The following ATP9B variants were observed in gnomAD, a reference collection of about 807,000 sequenced individuals.
The protein encoded by ATP9B is probable phospholipid-transporting ATPase IIB.
A neutral mutation model predicts 146.1 loss-of-function variants in ATP9B; 110 were observed. That is an observed-to-expected ratio of 0.75 (90% CI 0.65 to 0.88). The LOEUF (loss-of-function observed/expected upper bound fraction) is 0.88. ATP9B is among the 40% of genes least tolerant of loss of function. The pLI, the probability that ATP9B is intolerant of heterozygous loss-of-function variation, is 0.00. For synonymous variants in ATP9B, 604 were observed against 569.7 expected (o/e 1.06, Z -0.86); for missense variants, 1,499 against 1,496.4 (o/e 1.00, Z -0.03).
intron 9 of ATP9B, among the ~76,000 whole-genome samples, chr18:79,205,448 G>A (rs1266160804): frequency 2.0e-5 from 3 of 151,422 alleles, no homozygotes; most frequent in East Asian, 1.9e-4. Flanking sequence ...TGGAAAATAT[G>A]TTTTCAATTT....
At chr18:79,097,954 T>A (rs1568169112) in intron 2 of ATP9B, among the ~76,000 whole-genome samples, 1 of 152,064 alleles carries the variant, frequency 6.6e-6, no homozygotes, top group Non-Finnish European at 1.5e-5. Flanking sequence ...ATCGCCACAC[T>A]GACTTCCACA....
intron 7 of ATP9B, among the ~76,000 whole-genome samples, chr18:79,159,642 T>C (rs2094848106): frequency 6.6e-6 from 1 of 152,170 alleles, no homozygotes; most frequent in Admixed American, 6.5e-5. Context: ...CTTCTTCCTA[T>C]AGGCGTTGAA....
intron 12 of ATP9B, among the ~76,000 whole-genome samples, chr18:79,268,055 C>G (rs1431569280): frequency 6.6e-6 from 1 of 152,030 alleles, no homozygotes; most frequent in Admixed American, 6.5e-5. Context: ...AAATTGTTGT[C>G]TATATTCCTA....
intron 11 of ATP9B, among the ~76,000 whole-genome samples, chr18:79,227,168 T>G (rs1239519196): frequency 6.6e-6 from 1 of 152,134 alleles, no homozygotes; most frequent in Non-Finnish European, 1.5e-5. Flanking sequence ...CATGAACCCA[T>G]CATTTTTTTA....
chr18:79,186,838 G>A (rs903711089), intron 8 of ATP9B, among the ~76,000 whole-genome samples: 7 of 152,186 alleles, frequency 4.6e-5, no homozygotes, highest in African/African-American at 9.7e-5. Context: ...TAGCCTGCAC[G>A]TATTTTTCAC....
chr18:79,338,282 G>A (rs1194576277), intron 19 of ATP9B, among the ~76,000 whole-genome samples: 1 of 152,186 alleles, frequency 6.6e-6, no homozygotes, highest in African/African-American at 2.4e-5. Flanking sequence ...CCCCAGAGAC[G>A]CCTGGACGTA....
intron 13 of ATP9B, among the ~76,000 whole-genome samples, chr18:79,294,528 G>A (rs1313353720): frequency 6.6e-6 from 1 of 152,240 alleles, no homozygotes; most frequent in Admixed American, 6.5e-5. Flanking sequence ...GTCAGTCCAG[G>A]TTCTTTAACA....
chr18:79,246,706 G>A (rs1416817973), intron 11 of ATP9B, among the ~76,000 whole-genome samples: 2 of 152,196 alleles, frequency 1.3e-5, no homozygotes, highest in East Asian at 3.9e-4. Context: ...CGCTCCCCCT[G>A]CTGGCCGCGC....
rs1275706571 is a variant in ATP9B, at chr18:79,375,470, C to T, written c.3307+44C>T. 3.1e-6 allele frequency: 5 copies of T among 1,592,690 alleles called. No individual in the cohort carries two copies. The African/African-American group carries it at 4.1e-5, about 13-fold the overall frequency. On this transcript the variant is annotated intron_variant, in intron 29 of 29. Transcript: ENST00000426216. ...TCTTTCAAAAGTGTAGAAATTTAGC[C>T]AAACAATATTGATAAAGATACTTAA... is the stretch of plus-strand genomic sequence containing the variant.
intron 11 of ATP9B, among the ~76,000 whole-genome samples, chr18:79,216,234 C>A (rs569938557): frequency 1.4e-4 from 21 of 152,248 alleles, no homozygotes; most frequent in Admixed American, 1.4e-3. Context: ...ACACCTGTTA[C>A]TTTTGGCTCG....
intron 5 of ATP9B, among the ~76,000 whole-genome samples, chr18:79,135,308 GTATCTTTA>G (rs1448745454): frequency 5.3e-5 from 8 of 152,174 alleles, no homozygotes; most frequent in Non-Finnish European, 1.2e-4. Context: ...GGGATACTGT[GTATCTTTA>G]TTCTTACCCT....
chr18:79,092,805 TCTG>T (rs920247852), intron 1 of ATP9B, among the ~76,000 whole-genome samples: 2 of 152,072 alleles, frequency 1.3e-5, no homozygotes, highest in Non-Finnish European at 2.9e-5. Context: ...AACAGTGTCT[TCTG>T]CTGGGATACC....
chr18:79,160,204 C>A (rs756257893), intron 7 of ATP9B, among the ~76,000 whole-genome samples: 1 of 152,090 alleles, frequency 6.6e-6, no homozygotes, highest in African/African-American at 2.4e-5. Context: ...TAGTGATTGC[C>A]GCAGGGATTT....
chr18:79,173,501 G>T lies in ATP9B; in HGVS notation c.779-3312G>T, dbSNP rs148432640. Among the ~76,000 whole-genome samples the T allele has an allele frequency of 1.5e-3, 220 of 151,454 alleles. 3 individuals are homozygous for T. The highest frequency in any genetic ancestry group is 5.0e-3 in the African/African-American group (207 of 41,270). ...CTGTTGTGAGTTAATTACTGTATAA[G>T]ATGTAAGGTTCAGGTCAAGGCTTTG... On this transcript the variant is annotated intron_variant, in intron 7 of 29. Transcript: ENST00000426216.
intron 15 of ATP9B, among the ~76,000 whole-genome samples, chr18:79,315,168 G>A (rs754327414): frequency 2.0e-5 from 3 of 152,236 alleles, no homozygotes; most frequent in Non-Finnish European, 4.4e-5. Context: ...TAATGACAGA[G>A]CACAAGTGGG....
At chr18:79,346,448 A>G (rs1462991710) in intron 23 of ATP9B, among the ~76,000 whole-genome samples, 1 of 140,806 alleles carries the variant, frequency 7.1e-6, no homozygotes, top group Non-Finnish European at 1.5e-5. Context: ...CTCAGCGCAC[A>G]GTCAGCACAC....
chr18:79,080,233 A>G (rs918502333), intron 1 of ATP9B, among the ~76,000 whole-genome samples: 18 of 152,232 alleles, frequency 1.2e-4, no homozygotes, highest in African/African-American at 4.3e-4. Context: ...TACTTTGGGC[A>G]GTATGGTCAT....
intron 13 of ATP9B, among the ~76,000 whole-genome samples, chr18:79,287,067 G>T (rs1407470490): frequency 2.0e-5 from 3 of 152,172 alleles, no homozygotes; most frequent in Admixed American, 2.0e-4. Context: ...AAGGATACTG[G>T]TCTAAAATTC....
At chr18:79,295,455 A>G (rs571326196) in intron 13 of ATP9B, among the ~76,000 whole-genome samples, 24 of 152,348 alleles carry the variant, frequency 1.6e-4, no homozygotes, top group Middle Eastern at 3.4e-3. Flanking sequence ...GGCCAACTGT[A>G]TAAGTGAAAG....
Sources: gnomAD v4.1 joint callset for allele counts (sites outside exome capture counted in the v4.1 genomes callset) on GRCh38, gnomAD v4.1.1 for gene constraint, MANE v1.5 for transcripts, NCBI Gene and HGNC (gene_info 2026-07-23, HGNC 2026-07-21) for gene names.